The following LRRC4C variants were observed in gnomAD, a reference collection of about 807,000 sequenced individuals.
The protein encoded by LRRC4C is leucine rich repeat containing 4C.
Under a neutral mutation model 33.6 loss-of-function variants are expected in LRRC4C, and 5 were observed. That is an observed-to-expected ratio of 0.15 (90% confidence interval 0.08 to 0.31). LRRC4C has a LOEUF of 0.31. Among genes scored for constraint, LRRC4C ranks in the 10% least tolerant of loss-of-function variants. LRRC4C has a pLI of 1.00. For missense variants in LRRC4C, 560 were observed against 796.7 expected (o/e 0.70, Z 3.58); for synonymous variants, 329 against 302.0 (o/e 1.09, Z -0.93).
intron 1 of LRRC4C, among the ~76,000 whole-genome samples, chr11:41,145,653 G>T (rs1943699339): frequency 6.6e-6 from 1 of 152,110 alleles, no homozygotes; most frequent in Non-Finnish European, 1.5e-5. Context: ...AATTATTCAT[G>T]TACATAACGG....
chr11:40,725,443 G>A (rs61886854), intron 2 of LRRC4C, among the ~76,000 whole-genome samples: 5,199 of 151,910 alleles, frequency 0.034, 113 homozygotes, highest in Middle Eastern at 0.041. Flanking sequence ...GGGAGGTGAA[G>A]CTTGCAGTGA....
intron 3 of LRRC4C, among the ~76,000 whole-genome samples, chr11:40,624,109 C>G (rs909150319): frequency 6.6e-6 from 1 of 152,024 alleles, no homozygotes; most frequent in Non-Finnish European, 1.5e-5. Flanking sequence ...TAGAGAGTAC[C>G]TGGGAAAGAG....
At chr11:40,935,713 G>A (rs946533784) in intron 1 of LRRC4C, among the ~76,000 whole-genome samples, 3 of 151,898 alleles carry the variant, frequency 2.0e-5, no homozygotes, top group African/African-American at 7.2e-5. Context: ...CATATTTTTA[G>A]AATGTATTCC....
intron 1 of LRRC4C, among the ~76,000 whole-genome samples, chr11:41,197,204 A>G (rs1350952092): frequency 6.6e-6 from 1 of 152,040 alleles, no homozygotes; most frequent in African/African-American, 2.4e-5. Context: ...ACAGATCTCT[A>G]TACCCACAAG....
intron 3 of LRRC4C, among the ~76,000 whole-genome samples, chr11:40,599,104 T>C (rs1024993127): frequency 6.6e-6 from 1 of 152,082 alleles, no homozygotes; most frequent in Non-Finnish European, 1.5e-5. Context: ...TCCCCACCCA[T>C]AGATCTTTAC....
At chr11:40,957,492 A>C (rs1382653551) in intron 1 of LRRC4C, among the ~76,000 whole-genome samples, 3 of 151,756 alleles carry the variant, frequency 2.0e-5, no homozygotes, top group Non-Finnish European at 4.4e-5. Flanking sequence ...TTCAAGGTTC[A>C]TAATAGCTGT....
intron 2 of LRRC4C, among the ~76,000 whole-genome samples, chr11:40,925,060 C>T (rs1276022042): frequency 6.6e-6 from 1 of 152,060 alleles, no homozygotes; most frequent in Non-Finnish European, 1.5e-5. Context: ...AGCAAATGTG[C>T]TATGCCTGGA....
chr11:41,071,264 G>A (rs1267241350), intron 1 of LRRC4C, among the ~76,000 whole-genome samples: 1 of 152,076 alleles, frequency 6.6e-6, no homozygotes, highest in East Asian at 1.9e-4. Flanking sequence ...TGGGATGCAA[G>A]GGTAGGGAAA....
chr11:40,999,020 G>A (rs1854176984), intron 1 of LRRC4C, among the ~76,000 whole-genome samples: 1 of 152,130 alleles, frequency 6.6e-6, no homozygotes, highest in African/African-American at 2.4e-5. Flanking sequence ...GCTGGCAGGA[G>A]TTGCATCAAT....
Position 40,588,578 on chromosome 11 carries a change from A to G in LRRC4C, c.-270+59564T>C, listed in dbSNP as rs554659067. Among the ~76,000 whole-genome samples the G allele has an allele frequency of 2.0e-5, 3 of 151,340 alleles. No individual in the cohort carries two copies. The South Asian group carries it at 6.3e-4, about 32-fold the overall frequency. ...TTTTAATTGTGATGTTAGGTTGTCA[A>G]TTTTGGATCTTTCCTGCTTTCTCTT... On this transcript the variant is annotated intron_variant, in intron 3 of 6. Coordinates refer to ENST00000528697, the MANE Select transcript of LRRC4C (RefSeq NM_001258419.2).
intron 3 of LRRC4C, among the ~76,000 whole-genome samples, chr11:40,586,939 G>T (rs1034861737): frequency 6.6e-6 from 1 of 152,126 alleles, no homozygotes; most frequent in African/African-American, 2.4e-5. Context: ...TTTGGCTTAG[G>T]ATTGATTTGG....
At chr11:40,944,083 A>G (rs905766217) in intron 1 of LRRC4C, among the ~76,000 whole-genome samples, 3 of 152,206 alleles carry the variant, frequency 2.0e-5, no homozygotes, top group Non-Finnish European at 2.9e-5. Context: ...TACTCCAGAA[A>G]TGTTAGCTCC....
chr11:40,706,515 G>A (rs1946175875), intron 2 of LRRC4C, among the ~76,000 whole-genome samples: 1 of 152,104 alleles, frequency 6.6e-6, no homozygotes, highest in South Asian at 2.1e-4. Flanking sequence ...AGATCAGATG[G>A]TTGTAGATGT....
intron 1 of LRRC4C, among the ~76,000 whole-genome samples, chr11:41,233,228 G>T (rs1043445578): frequency 6.6e-6 from 1 of 151,900 alleles, no homozygotes; most frequent in Non-Finnish European, 1.5e-5. Flanking sequence ...GAGTCAAAAG[G>T]TTAAGAAAGT....
intron 1 of LRRC4C, among the ~76,000 whole-genome samples, chr11:41,043,048 A>C (rs1318964819): frequency 6.7e-6 from 1 of 149,148 alleles, no homozygotes; most frequent in Non-Finnish European, 1.5e-5. Flanking sequence ...CGAAATCCAA[A>C]ATGATTATAC....
In LRRC4C at chr11:40,988,713, C is replaced by CCTTTTTTTTTTT. The variant is rs1203305681; in HGVS notation, c.-495-54991_-495-54990insAAAAAAAAAAAG. On this transcript the variant is annotated intron_variant, in intron 1 of 6. Transcript: ENST00000528697. ...CATTTGTTTTCCTTTCTTTTCTTTT[C>CCTTTTTTTTTTT]TTTTTTTTTTTTTTTTTTTTTGAGA... Among the ~76,000 whole-genome samples, 5 of 57,754 alleles carry CCTTTTTTTTTTT rather than the reference C, an allele frequency of 8.7e-5. 1 individual carries two copies. Among genetic ancestry groups the CCTTTTTTTTTTT allele is most frequent in the Non-Finnish European group, 1.2e-4 (3 of 24,132 alleles). 37.9% of individuals were successfully genotyped at this position (57,754 alleles called of 152,430 possible).
intron 1 of LRRC4C, among the ~76,000 whole-genome samples, chr11:41,284,073 A>G (rs557585485): frequency 5.3e-5 from 8 of 152,246 alleles, no homozygotes; most frequent in Non-Finnish European, 1.0e-4. Context: ...TACCTATACT[A>G]TGAATACAAC....
At chr11:40,121,194 A>AT (rs1590422190) in intron 6 of LRRC4C, among the ~76,000 whole-genome samples, 1 of 152,190 alleles carries the variant, frequency 6.6e-6, no homozygotes, top group East Asian at 1.9e-4. Flanking sequence ...ATATATTGCT[A>AT]TTACTTAAAA....
intron 1 of LRRC4C, among the ~76,000 whole-genome samples, chr11:41,039,904 G>A (rs1055417559): frequency 6.6e-6 from 1 of 151,998 alleles, no homozygotes; most frequent in Admixed American, 6.5e-5. Flanking sequence ...CACTTTGGGA[G>A]GCCGAGGCAG....
Sources: allele counts gnomAD v4.1 joint callset (sites outside exome capture counted in the v4.1 genomes callset), GRCh38; gene constraint gnomAD v4.1.1; transcripts MANE v1.5; gene names NCBI Gene and HGNC (gene_info 2026-07-23, HGNC 2026-07-21).